CCM2L: variants seen among roughly 807,000 people sequenced by gnomAD.
The protein encoded by CCM2L is CCM2 like scaffold protein.
A neutral mutation model predicts 54.1 loss-of-function variants in CCM2L; 36 were observed. The ratio of observed to expected loss-of-function variants is 0.67; its 90% CI spans 0.51 to 0.88. CCM2L has a LOEUF of 0.88. CCM2L is among the 40% of genes least tolerant of loss of function. The pLI is 0.00. For synonymous variants in CCM2L, 351 were observed against 359.3 expected, an observed-to-expected ratio of 0.98 and a Z score of 0.26; for missense variants, 700 against 812.1, an observed-to-expected ratio of 0.86 and a Z score of 1.68.
intron 2 of CCM2L, among the ~76,000 whole-genome samples, chr20:32,015,859 CTTTTT>C (rs199989562): frequency 7.8e-6 from 1 of 127,922 alleles, no homozygotes; most frequent in Admixed American, 8.1e-5. Context: ...AGCTGTACTT[CTTTTT>C]TTTTTTTTTT....
chr20:32,029,764 T>G lies in CCM2L; in HGVS notation c.1328T>G (p.Leu443Arg). The G allele has an allele frequency of 6.2e-7, 1 of 1,613,550 alleles. No individual in the cohort carries two copies. The highest frequency in any genetic ancestry group is 8.5e-7 in the Non-Finnish European group (1 of 1,179,724). ...GCGATGCTGCTGCGGGAGTACCGGC[T>G]GGGGCTGCCCATCCAGGACTATTGC... ...QFAMLLREYR[L>R]GLPIQDYCTG... The change falls in exon 9 of 10, where the codon CTG becomes CGG. Residue 443 changes from leucine (L) to arginine (R), a missense_variant. Physicochemically the swap from Leu to Arg is moderately radical, Grantham distance 102 (BLOSUM62 -2). Coordinates refer to ENST00000452892, the MANE Select transcript of CCM2L (RefSeq NM_001365692.1).
At position 32,018,925 on chromosome 20, in the gene CCM2L, TC is replaced by T. The variant is rs755937904; in HGVS notation, c.467-13del. The T allele has an allele frequency of 2.8e-5, 36 of 1,300,242 alleles. 1 individual carries two copies. The South Asian group carries it at 4.5e-4, about 16-fold the overall frequency. 80.5% of individuals were successfully genotyped at this position (1,300,242 alleles called of 1,614,324 possible). A position where few individuals can be genotyped will look rare whatever the true frequency, so the allele number is the denominator to read the frequency against. On this transcript the variant is annotated splice_polypyrimidine_tract_variant and intron_variant, in intron 4 of 9. Transcript: ENST00000452892. ...GAGTCCCGATCCCCGCGGCTGACGG[TC>T]CCCCGGACTCTCCTAGGTCTGGGTG... is the stretch of plus-strand genomic sequence containing the variant.
chr20:32,029,839 G>A lies in CCM2L; in HGVS notation c.1402+1G>A. On this transcript the variant is annotated splice_donor_variant, in intron 9 of 9. Transcript: ENST00000452892. LOFTEE classifies it high-confidence loss of function. ...GACCGGCGCAAGTTCCTCCTCCTTG[G>A]TGAGCCCCCGCTGTACCCCCAGAGG... 6.3e-7 allele frequency: 1 copy of A among 1,598,068 alleles called. No homozygotes were observed. Among genetic ancestry groups the A allele is most frequent in the Non-Finnish European group, 8.5e-7 (1 of 1,170,354 alleles).
At position 32,029,186 on chromosome 20, in the gene CCM2L, T is replaced by C. The variant is rs1416674012; in HGVS notation, c.1263+62T>C. ...AAGCCTGGAGGCTGGAGTAAACATT[T>C]TGGGAATGGCACATTGCCCTGGACA... On this transcript the variant is annotated intron_variant, in intron 8 of 9. Coordinates refer to ENST00000452892, the MANE Select transcript of CCM2L (RefSeq NM_001365692.1). 1.1e-5 allele frequency: 18 copies of C among 1,610,798 alleles called. No individual in the cohort carries two copies. The Admixed American group carries it at 3.0e-4, about 27-fold the overall frequency.
At position 32,014,398 on chromosome 20, in the gene CCM2L, T is replaced by C. The variant is rs2064720597; in HGVS notation, c.31-506T>C. Among the ~76,000 whole-genome samples the C allele has an allele frequency of 2.6e-5, 4 of 151,988 alleles. No homozygotes were observed. The South Asian group carries it at 6.2e-4, about 24-fold the overall frequency. The stretch of plus-strand genomic sequence containing the variant: ...CTCCTGACTCAGCCTCCCGAGTAGC[T>C]GGGATTACAGGCTCCTGGCACAACG... On this transcript the variant is annotated intron_variant, in intron 1 of 9. Transcript: ENST00000452892.
At chr20:32,025,469 T>C (rs1600682416) in intron 6 of CCM2L, among the ~76,000 whole-genome samples, 1 of 152,148 alleles carries the variant, frequency 6.6e-6, no homozygotes. Flanking sequence ...GGTCGCTCTA[T>C]GTTGTCCAGG....
Position 32,031,336 on chromosome 20 carries a change from T to G in CCM2L, c.*22T>G. The stretch of plus-strand genomic sequence containing the variant: ...GTAGCCACCGCCCCTGCGGACGGCG[T>G]GGCTCAGCAGCCCACCTCTGAGTCT... On this transcript the variant is annotated 3_prime_UTR_variant, in exon 10 of 10. Transcript: ENST00000452892. 1 of 1,254,284 alleles carries G rather than the reference T, an allele frequency of 8.0e-7. No homozygotes were observed. 77.7% of individuals were successfully genotyped at this position (1,254,284 alleles called of 1,614,324 possible). A position where few individuals can be genotyped will look rare whatever the true frequency, so the allele number is the denominator to read the frequency against.
chr20:32,014,914 C>T lies in CCM2L; in HGVS notation c.41C>T (p.Ser14Phe). The T allele has an allele frequency of 6.3e-7, 1 of 1,599,634 alleles. No individual in the cohort carries two copies. The highest frequency in any genetic ancestry group is 8.5e-7 in the Non-Finnish European group (1 of 1,173,306). ...TCCTCTCCTCCCCAGGGCTTTGTAT[C>T]CCCCATCCGAAGGCTGGTGTTCCCC... ...EVKKGKKGFV[S>F]PIRRLVFPKA... is the part of the protein sequence containing the mutation. Residue 14 changes from serine (S) to phenylalanine (F), a missense_variant, in exon 2 of 10, where the codon TCC becomes TTC. Ser to Phe is a radical substitution (Grantham distance 155, BLOSUM62 -2). Coordinates refer to ENST00000452892, the MANE Select transcript of CCM2L (RefSeq NM_001365692.1).
rs2064755014 is a variant in CCM2L at position 32,017,993 on chromosome 20, G to A, written c.297G>A (p.Leu99=). ...CCTCCCTGCAGCAGCTGAAGGAGCTGCCGCTGAAGACCACGGCGGAGCAGG... is the reference window on the plus strand; with the variant it reads ...CCTCCCTGCAGCAGCTGAAGGAGCTACCGCTGAAGACCACGGCGGAGCAGG... ...LLDTARQLKE[L]PLKTTAEQDS... The change falls in exon 4 of 10, where the codon CTG becomes CTA. Residue 99 remains leucine, a synonymous_variant. Transcript: ENST00000452892. 2 of 1,613,698 alleles carry A rather than the reference G, an allele frequency of 1.2e-6. No individual in the cohort carries two copies. The highest frequency in any genetic ancestry group is 1.7e-5 in the Admixed American group (1 of 60,004).
In CCM2L at chr20:32,019,090, T is replaced by C; in HGVS notation, c.614T>C (p.Met205Thr). 1 of 1,180,442 alleles carries C rather than the reference T, an allele frequency of 8.5e-7. No homozygotes were observed. The highest frequency in any genetic ancestry group is 1.0e-6 in the Non-Finnish European group (1 of 956,228). The allele number at this position is 1,180,442 out of a possible 1,614,324, so 73.1% of individuals were successfully genotyped here. ...ACCATCTGCAGCCTGGACTGGCGGA[T>C]GGGGTGGGGTGGGGGCGCCGCGGAG... ...RHTICSLDWR[M>T]GWGGGAAEAR... The change falls in exon 5 of 10, where the codon ATG (methionine) becomes ACG (threonine). Residue 205 changes from methionine to threonine, a missense_variant. Met to Thr is a moderately conservative substitution (Grantham distance 81). Coordinates refer to ENST00000452892, the MANE Select transcript of CCM2L (RefSeq NM_001365692.1).
rs1454051409 is a variant in CCM2L, at chr20:32,018,197, G to C, written c.466+35G>C. 2 of 289,142 alleles carry C rather than the reference G, an allele frequency of 6.9e-6. 1 individual carries two copies. Among genetic ancestry groups the C allele is most frequent in the South Asian group, 6.5e-5 (2 of 30,680 alleles). 17.9% of individuals were successfully genotyped at this position (289,142 alleles called of 1,614,324 possible). Reference sequence around the variant, plus strand: ...GAGGGGGCGGGGGCGGGGGAGGGGCGGGGGCGGGGGCGGGGGAGGGGCGGG... The same window carrying C: ...GAGGGGGCGGGGGCGGGGGAGGGGCCGGGGCGGGGGCGGGGGAGGGGCGGG... On this transcript the variant is annotated intron_variant, in intron 4 of 9. Coordinates refer to ENST00000452892, the MANE Select transcript of CCM2L (RefSeq NM_001365692.1).
intron 1 of CCM2L, among the ~76,000 whole-genome samples, chr20:32,013,231 C>T (rs1031221713): frequency 6.6e-6 from 1 of 152,148 alleles, no homozygotes; most frequent in African/African-American, 2.4e-5. Flanking sequence ...CCTAAGAGAT[C>T]AAGGCTGCAG....
In CCM2L at chr20:32,017,769, G is replaced by A. The variant is rs1486966080; in HGVS notation, c.199-31G>A. On this transcript the variant is annotated intron_variant, in intron 2 of 9. Coordinates refer to ENST00000452892, the MANE Select transcript of CCM2L (RefSeq NM_001365692.1). ...TTCAAGGTTTCAGGGTGACATCTCT[G>A]TGTCCTTCTCTCACCCCGATTTCCA... The A allele has an allele frequency of 2.5e-6, 4 of 1,584,550 alleles. No individual in the cohort carries two copies. In the African/African-American group the frequency reaches 4.0e-5, roughly 16 times the overall value.
Position 32,031,121 on chromosome 20 carries a change from G to T in CCM2L, c.1523G>T (p.Ser508Ile). ...TTCGGCCGCATCAAGCGCAGCATGA[G>T]CTCCACGTCGGCCTCCGCAGTGCGC... is the stretch of plus-strand genomic sequence containing the variant. ...DSFGRIKRSMSSTSASAVRSY... is the reference protein window; with the variant it reads ...DSFGRIKRSMISTSASAVRSY... Residue 508 changes from serine to isoleucine, a missense_variant, in exon 10 of 10, where the codon AGC becomes ATC. Transcript: ENST00000452892. 7.7e-7 allele frequency: 1 copy of T among 1,304,194 alleles called. No individual in the cohort carries two copies. Among genetic ancestry groups the T allele is most frequent in the Non-Finnish European group, 1.0e-6 (1 of 988,954 alleles). The allele number at this position is 1,304,194 out of a possible 1,614,324, so 80.8% of individuals were successfully genotyped here. A position where few individuals can be genotyped will look rare whatever the true frequency, so the allele number is the denominator to read the frequency against.
rs1600675929 is a variant in CCM2L, at chr20:32,018,268, A to T, written c.466+106A>T. On this transcript the variant is annotated intron_variant, in intron 4 of 9. Coordinates refer to ENST00000452892, the MANE Select transcript of CCM2L (RefSeq NM_001365692.1). ...AGGGGCAGGGGCCGGAGGTGTGCGG[A>T]TGGAGAAGGAGAGGGACCTGCGGCG... is the stretch of plus-strand genomic sequence containing the variant. 4.3e-5 allele frequency: 37 copies of T among 866,386 alleles called. No homozygotes were observed. In the South Asian group the frequency reaches 7.4e-4, roughly 17 times the overall value. The allele number at this position is 866,386 out of a possible 1,614,324, so 53.7% of individuals were successfully genotyped here. A position where few individuals can be genotyped will look rare whatever the true frequency, so the allele number is the denominator to read the frequency against.
Position 32,031,612 on chromosome 20 carries a change from C to G in CCM2L, c.*298C>G. 1 of 188,318 alleles carries G rather than the reference C, an allele frequency of 5.3e-6. No homozygotes were observed. The highest frequency in any genetic ancestry group is 1.1e-5 in the Non-Finnish European group (1 of 89,598). The allele number at this position is 188,318 out of a possible 1,614,324, so 11.7% of individuals were successfully genotyped here. A position where few individuals can be genotyped will look rare whatever the true frequency, so the allele number is the denominator to read the frequency against. On this transcript the variant is annotated 3_prime_UTR_variant, in exon 10 of 10. Transcript: ENST00000452892. The stretch of plus-strand genomic sequence containing the variant: ...TCCCAGAAGTCCAGAGGGATCAGCC[C>G]CAGAACACACCCTCCTCCCCGGGAC...
At position 32,031,161 on chromosome 20, in the gene CCM2L, G is replaced by C. The variant is rs1482233567; in HGVS notation, c.1563G>C (p.Ala521=). Residue 521 remains alanine, a synonymous_variant, in exon 10 of 10, where the codon GCG becomes GCC. Coordinates refer to ENST00000452892, the MANE Select transcript of CCM2L (RefSeq NM_001365692.1). The part of the protein sequence containing the change: ...SASAVRSYDG[A]AQRPEAQAFH... ...CCGCAGTGCGCAGCTACGATGGCGCGGCGCAGCGGCCCGAGGCACAGGCCT... is the reference window on the plus strand; with the variant it reads ...CCGCAGTGCGCAGCTACGATGGCGCCGCGCAGCGGCCCGAGGCACAGGCCT... The C allele has an allele frequency of 2.3e-6, 3 of 1,302,554 alleles. No individual in the cohort carries two copies. The highest frequency in any genetic ancestry group is 1.0e-6 in the Non-Finnish European group (1 of 988,498). The allele number at this position is 1,302,554 out of a possible 1,614,324, so 80.7% of individuals were successfully genotyped here. A position where few individuals can be genotyped will look rare whatever the true frequency, so the allele number is the denominator to read the frequency against.
Position 32,031,246 on chromosome 20 carries a change from G to C in CCM2L, c.1648G>C (p.Asp550His). 1.5e-6 allele frequency: 2 copies of C among 1,298,594 alleles called. No homozygotes were observed. Among genetic ancestry groups the C allele is most frequent in the Non-Finnish European group, 2.0e-6 (2 of 988,534 alleles). The allele number at this position is 1,298,594 out of a possible 1,614,324, so 80.4% of individuals were successfully genotyped here. A position where few individuals can be genotyped will look rare whatever the true frequency, so the allele number is the denominator to read the frequency against. ...DIEALAPDDD[D>H]DDEDEPRGSR... Reference sequence around the variant, plus strand: ...CGAGGCGCTGGCCCCCGATGACGACGACGACGACGAGGATGAGCCCCGGGG... The same window carrying C: ...CGAGGCGCTGGCCCCCGATGACGACCACGACGACGAGGATGAGCCCCGGGG... The change falls in exon 10 of 10, where the codon GAC (aspartate) becomes CAC (histidine). Residue 550 changes from aspartate (D) to histidine (H), a missense_variant. Asp to His is a moderately conservative substitution (Grantham distance 81, BLOSUM62 -1). Transcript: ENST00000452892.
rs758651981 is a variant in CCM2L at position 32,019,352 on chromosome 20, G to T, written c.876G>T (p.Pro292=). The T allele has an allele frequency of 3.4e-6, 5 of 1,488,476 alleles. No individual in the cohort carries two copies. The highest frequency in any genetic ancestry group is 4.4e-6 in the Non-Finnish European group (5 of 1,124,854). The allele number at this position is 1,488,476 out of a possible 1,614,324, so 92.2% of individuals were successfully genotyped here. A position where few individuals can be genotyped will look rare whatever the true frequency, so the allele number is the denominator to read the frequency against. ...RRHPGPNPLD[P]QDPSPDAYCN... ...ACCCCGGCCCCAACCCGCTCGACCC[G>T]CAGGACCCCAGCCCCGACGCCTACT... The change falls in exon 5 of 10, where the codon CCG becomes CCT. Residue 292 remains proline (P), a synonymous_variant. Transcript: ENST00000452892.
Sources: gnomAD v4.1 joint callset for allele counts (sites outside exome capture counted in the v4.1 genomes callset) on GRCh38, gnomAD v4.1.1 for gene constraint, MANE v1.5 for transcripts, NCBI Gene and HGNC (gene_info 2026-07-23, HGNC 2026-07-21) for gene names.